PCSK1: variants seen among roughly 807,000 people sequenced by gnomAD.
The protein encoded by PCSK1 is proprotein convertase subtilisin/kexin type 1, also known as neuroendocrine convertase 1.
Under a neutral mutation model 90.6 loss-of-function variants are expected in PCSK1, and 56 were observed. That is an observed-to-expected ratio of 0.62 (90% CI 0.50 to 0.77). The LOEUF is 0.77. PCSK1 is among the 30% of genes least tolerant of loss of function. PCSK1 has a pLI of 0.00. For missense variants in PCSK1, 801 were observed against 932.6 expected (o/e 0.86, Z 1.84); for synonymous variants, 348 against 342.4 (o/e 1.02, Z -0.18).
chr5:96,410,875 T>C lies in PCSK1; in HGVS notation c.994A>G (p.Ser332Gly), dbSNP rs1389239128. ...GATAGGCCTTGCTGGGAGGCACTGC[T>C]GATGGAGATGGTGTAGATGCTGTCT... ...YTDSIYTISI[S>G]SASQQGLSPW... The change falls in exon 8 of 14, where the codon AGC becomes GGC. Residue 332 changes from serine (S) to glycine (G), a missense_variant. Ser to Gly is a moderately conservative substitution (Grantham distance 56, BLOSUM62 0). Coordinates refer to ENST00000311106, the MANE Select transcript of PCSK1 (RefSeq NM_000439.5). 1.2e-6 allele frequency: 2 copies of C among 1,614,068 alleles called. No homozygotes were observed. Among genetic ancestry groups the C allele is most frequent in the South Asian group, 1.1e-5 (1 of 91,078 alleles).
rs570064523 is a variant in PCSK1, at chr5:96,393,187, C to G, written c.2076G>C (p.Lys692Asn). 353 of 1,614,150 alleles carry G rather than the reference C, an allele frequency of 2.2e-4. 4 individuals are homozygous for G. In the South Asian group the frequency reaches 3.7e-3, roughly 17 times the overall value. ...KQSPKKSPSAKLNIPYENFYE... is the reference protein window; with the variant it reads ...KQSPKKSPSANLNIPYENFYE... ...AGAAGTTTTCATAAGGGATGTTGAGCTTTGCACTTGGGGACTTCTTTGGTG... is the reference window on the plus strand; with the variant it reads ...AGAAGTTTTCATAAGGGATGTTGAGGTTTGCACTTGGGGACTTCTTTGGTG... The change falls in exon 14 of 14, where the codon AAG becomes AAC. Residue 692 changes from lysine (K) to asparagine (N), a missense_variant. Physicochemically the swap from Lys to Asn is moderately conservative, Grantham distance 94 (BLOSUM62 0). Transcript: ENST00000311106.
In PCSK1 at chr5:96,391,600, G is replaced by A. The variant is rs886060880; in HGVS notation, c.*1401C>T. On this transcript the variant is annotated 3_prime_UTR_variant, in exon 14 of 14. Coordinates refer to ENST00000311106, the MANE Select transcript of PCSK1 (RefSeq NM_000439.5). The stretch of plus-strand genomic sequence containing the variant: ...ATGCATTTACACTTTGTACACATTC[G>A]CTTAGTGTAGGAGTGGGCAAAATCA... 4 of 152,128 alleles carry A rather than the reference G, an allele frequency of 2.6e-5. No individual in the cohort carries two copies. Among genetic ancestry groups the A allele is most frequent in the Non-Finnish European group, 4.4e-5 (3 of 68,024 alleles). 9.4% of individuals were successfully genotyped at this position (152,128 alleles called of 1,614,324 possible).
chr5:96,399,122 T>C (rs1760264012), intron 10 of PCSK1, 86 bp from the exon 11 acceptor site: 2 of 963,354 alleles, frequency 2.1e-6, no homozygotes, highest in Admixed American at 4.0e-5. Flanking sequence ...CAATCTTGAC[T>C]AGATGCTCAA....
Position 96,422,141 on chromosome 5 carries a change from A to G in PCSK1, c.544-185T>C, listed in dbSNP as rs1480568982. On this transcript the variant is annotated intron_variant, in intron 4 of 13. Coordinates refer to ENST00000311106, the MANE Select transcript of PCSK1 (RefSeq NM_000439.5). ...TATTTTACTCACAAACCAGGCAGAG[A>G]TGATGAACACAGCCAGGTGAGCCAG... Among the ~76,000 whole-genome samples the G allele has an allele frequency of 6.6e-5, 10 of 152,104 alleles. 1 individual carries two copies. Among genetic ancestry groups the G allele is most frequent in the Admixed American group, 6.6e-4 (10 of 15,258 alleles).
chr5:96,393,746 A>G (rs892481638), intron 13 of PCSK1, among the ~76,000 whole-genome samples: 6 of 152,230 alleles, frequency 3.9e-5, no homozygotes, highest in Admixed American at 1.3e-4. Context: ...GGATATCAAA[A>G]TATCTAACAA....
In PCSK1 at chr5:96,408,243, G is replaced by A. The variant is rs984628674; in HGVS notation, c.1176C>T (p.Phe392=). ...SASAPLAAGI[F]ALALEANPNL... is the part of the protein sequence containing the mutation. ...CTTACTTTGCTTCCAGGGCCAGAGC[G>A]AAGATGCCAGCAGCCAGAGGTGCAG... The change falls in exon 9 of 14, where the codon TTC becomes TTT. Residue 392 remains phenylalanine, a synonymous_variant. Transcript: ENST00000311106. 21 of 1,613,846 alleles carry A rather than the reference G, an allele frequency of 1.3e-5. No individual in the cohort carries two copies. The highest frequency in any genetic ancestry group is 3.3e-5 in the Admixed American group (2 of 60,022).
chr5:96,426,403 AAAGT>A (rs1417834559), intron 2 of PCSK1, among the ~76,000 whole-genome samples: 1 of 152,196 alleles, frequency 6.6e-6, no homozygotes, highest in Non-Finnish European at 1.5e-5. Flanking sequence ...AATATTTTAT[AAAGT>A]AAGAATGGTG....
In PCSK1 at chr5:96,393,763, T is replaced by C. The variant is rs549163301; in HGVS notation, c.1885-385A>G. Among the ~76,000 whole-genome samples the C allele has an allele frequency of 2.6e-5, 4 of 152,350 alleles. No individual in the cohort carries two copies. The East Asian group carries it at 5.8e-4, about 22-fold the overall frequency. ...ATATCAAAATATCTAACAAGTCATA[T>C]AGAAGGCACCCACTGGTTGCGGTAG... On this transcript the variant is annotated intron_variant, in intron 13 of 13. Coordinates refer to ENST00000311106, the MANE Select transcript of PCSK1 (RefSeq NM_000439.5).
At position 96,416,769 on chromosome 5, in the gene PCSK1, G is replaced by A. The variant is rs534999568; in HGVS notation, c.621-648C>T. On this transcript the variant is annotated intron_variant, in intron 5 of 13. Transcript: ENST00000311106. ...AGATGCTCCTGAAATCCCAACTGGG[G>A]CCAGAAGCCTGAACATGATTGGTTT... Among the ~76,000 whole-genome samples, 75 of 152,320 alleles carry A rather than the reference G, an allele frequency of 4.9e-4. 1 individual carries two copies. In the Middle Eastern group the frequency reaches 0.01, roughly 21 times the overall value.
chr5:96,390,983 T>G lies in PCSK1; in HGVS notation c.*2018A>C, dbSNP rs942531136. The G allele has an allele frequency of 1.3e-5, 2 of 152,678 alleles. No homozygotes were observed. The highest frequency in any genetic ancestry group is 2.9e-5 in the Non-Finnish European group (2 of 68,038). The allele number at this position is 152,678 out of a possible 1,614,324, so 9.5% of individuals were successfully genotyped here. On this transcript the variant is annotated 3_prime_UTR_variant, in exon 14 of 14. Coordinates refer to ENST00000311106, the MANE Select transcript of PCSK1 (RefSeq NM_000439.5). ...AAGATTTATACATCTAGCACTAGAT[T>G]GGGAATGGAAAAGTAATGAGTTTTC... is the stretch of plus-strand genomic sequence containing the variant.
chr5:96,419,326 T>A (rs1342742127), intron 5 of PCSK1, among the ~76,000 whole-genome samples: 1 of 147,128 alleles, frequency 6.8e-6, no homozygotes, highest in Non-Finnish European at 1.5e-5. Context: ...TATATATATA[T>A]AAAACCTCAC....
At chr5:96,426,920 C>A (rs1280341373) in intron 2 of PCSK1, among the ~76,000 whole-genome samples, 1 of 152,106 alleles carries the variant, frequency 6.6e-6, no homozygotes, top group African/African-American at 2.4e-5. Flanking sequence ...ATGGGAAGAA[C>A]CTGAAAGCTA....
At chr5:96,414,663 C>T (rs531106957) in intron 6 of PCSK1, among the ~76,000 whole-genome samples, 1 of 152,340 alleles carries the variant, frequency 6.6e-6, no homozygotes, top group African/African-American at 2.4e-5. Flanking sequence ...AACTTGCTTT[C>T]ATTACCTTGA....
intron 7 of PCSK1, 82 bp from the exon 8 acceptor site, chr5:96,411,068 A>G: frequency 4.1e-6 from 4 of 983,470 alleles, no homozygotes; most frequent in Non-Finnish European, 6.6e-6. Context: ...CCCAACGACT[A>G]CATGTGTGAA....
At chr5:96,400,298 T>C in intron 9 of PCSK1, 112 bp from the exon 10 acceptor site, 1 of 758,182 alleles carries the variant, frequency 1.3e-6, no homozygotes, top group Non-Finnish European at 2.4e-6. Flanking sequence ...CCTTTTGCTA[T>C]TGTAGTTATG....
rs78236143 is a variant in PCSK1, at chr5:96,421,427, T to C, written c.620+453A>G. 3.0e-3 allele frequency among the ~76,000 whole-genome samples: 462 copies of C among 152,316 alleles called. 13 individuals are homozygous for C. The East Asian group carries it at 0.047, about 16-fold the overall frequency. On this transcript the variant is annotated intron_variant, in intron 5 of 13. Transcript: ENST00000311106. Reference sequence around the variant, plus strand: ...TGTCTGGAGTTTGGCCATGCTCTTCTGAGAGAACTGGTGAAGGTGACTGTA... The same window carrying C: ...TGTCTGGAGTTTGGCCATGCTCTTCCGAGAGAACTGGTGAAGGTGACTGTA...
Position 96,410,911 on chromosome 5 carries a change from C to CA in PCSK1, c.957dup (p.Asp320Ter). On this transcript the variant is annotated frameshift_variant, in exon 8 of 14. Transcript: ENST00000311106. LOFTEE classifies it high-confidence loss of function. Reference sequence around the variant, plus strand: ...GTGTAGATGCTGTCTGTGTAGCCATCACAGTCACAATTATCTCCCTGACGC... The same window carrying CA: ...GTGTAGATGCTGTCTGTGTAGCCATCAACAGTCACAATTATCTCCCTGACGC... 1 of 1,614,076 alleles carries CA rather than the reference C, an allele frequency of 6.2e-7. No homozygotes were observed. Among genetic ancestry groups the CA allele is most frequent in the African/African-American group, 1.3e-5 (1 of 75,028 alleles).
chr5:96,428,211 C>T (rs766181060), intron 2 of PCSK1, among the ~76,000 whole-genome samples: 18 of 152,064 alleles, frequency 1.2e-4, no homozygotes, highest in Admixed American at 9.8e-4. Context: ...TCATGAATTT[C>T]GTCTACTTTC....
chr5:96,419,133 A>T (rs2112433791), intron 5 of PCSK1, among the ~76,000 whole-genome samples: 1 of 152,124 alleles, frequency 6.6e-6, no homozygotes, highest in African/African-American at 2.4e-5. Context: ...TTAAATAACA[A>T]GTGTGACAAG....
Sources: allele counts gnomAD v4.1 joint callset (sites outside exome capture counted in the v4.1 genomes callset), GRCh38; gene constraint gnomAD v4.1.1; transcripts MANE v1.5; gene names NCBI Gene and HGNC (gene_info 2026-07-23, HGNC 2026-07-21).